PDE4D: variants seen among roughly 807,000 people sequenced by gnomAD.
The protein encoded by PDE4D is 3',5'-cyclic-AMP phosphodiesterase 4D.
In PDE4D, 24 loss-of-function variants were observed where a neutral mutation model predicts 87.4. That is an observed-to-expected ratio of 0.27 (90% CI 0.20 to 0.39). The LOEUF (loss-of-function observed/expected upper bound fraction) is 0.39, where lower values mean the gene tolerates loss of function less well. PDE4D is among the 10% of genes least tolerant of loss of function. The pLI is 1.00. For synonymous variants in PDE4D, 384 were observed against 383.2 expected (o/e 1.00, Z -0.02); for missense variants, 714 against 1,041.0 (o/e 0.69, Z 4.32).
At chr5:59,615,447 A>G (rs114408368) in intron 1 of PDE4D, among the ~76,000 whole-genome samples, 467 of 41,756 alleles carry the variant, frequency 0.011, no homozygotes, top group African/African-American at 0.031. Flanking sequence ...ATAGGCACAT[A>G]GATTAAATTC....
chr5:59,122,779 A>G (rs972106122), intron 5 of PDE4D, among the ~76,000 whole-genome samples: 2 of 152,326 alleles, frequency 1.3e-5, no homozygotes, highest in East Asian at 1.9e-4. Context: ...CACCACCTCT[A>G]TCTAGTTCCA....
At chr5:59,444,528 C>T (rs1180642660) in intron 1 of PDE4D, among the ~76,000 whole-genome samples, 4 of 152,100 alleles carry the variant, frequency 2.6e-5, no homozygotes, top group African/African-American at 9.7e-5. Flanking sequence ...ACCTTCAGTT[C>T]CCAGTCGGGC....
intron 1 of PDE4D, among the ~76,000 whole-genome samples, chr5:59,739,899 G>A (rs1245691628): frequency 1.3e-5 from 2 of 152,130 alleles, no homozygotes; most frequent in Non-Finnish European, 2.9e-5. Flanking sequence ...ATATAGGATG[G>A]TATGAAATAA....
chr5:59,701,081 G>C (rs1358724236), intron 1 of PDE4D, among the ~76,000 whole-genome samples: 5 of 152,098 alleles, frequency 3.3e-5, no homozygotes, highest in Non-Finnish European at 7.4e-5. Context: ...CTCATGTCTT[G>C]TCACTGAACT....
intron 1 of PDE4D, among the ~76,000 whole-genome samples, chr5:60,193,688 A>AAG (rs1554183263): frequency 2.0e-5 from 3 of 149,604 alleles, no homozygotes; most frequent in African/African-American, 4.9e-5. Context: ...AAAAAAAAAA[A>AAG]AAAAGAAAGA....
At chr5:59,780,309 T>C (rs1581073328) in intron 1 of PDE4D, among the ~76,000 whole-genome samples, 1 of 152,184 alleles carries the variant, frequency 6.6e-6, no homozygotes, top group Non-Finnish European at 1.5e-5. Context: ...GAAGTTGCAG[T>C]GAGCTGAGAT....
At chr5:59,496,938 C>T (rs958896976) in intron 1 of PDE4D, among the ~76,000 whole-genome samples, 1 of 152,142 alleles carries the variant, frequency 6.6e-6, no homozygotes, top group African/African-American at 2.4e-5. Flanking sequence ...TCTGCCCTTG[C>T]CCCTACCTTC....
intron 1 of PDE4D, among the ~76,000 whole-genome samples, chr5:59,323,653 C>G (rs181261449): frequency 5.9e-4 from 90 of 152,132 alleles, no homozygotes; most frequent in Middle Eastern, 3.4e-3. Context: ...ATTCACCTCT[C>G]TCCAGCCCCA....
intron 5 of PDE4D, among the ~76,000 whole-genome samples, chr5:59,043,776 A>T (rs987445522): frequency 1.3e-5 from 2 of 151,706 alleles, no homozygotes; most frequent in African/African-American, 4.8e-5. Flanking sequence ...GCATTGTTCA[A>T]TTCCCACCTA....
intron 1 of PDE4D, among the ~76,000 whole-genome samples, chr5:60,317,894 A>T (rs1755793363): frequency 6.6e-6 from 1 of 152,100 alleles, no homozygotes; most frequent in Admixed American, 6.5e-5. Context: ...TGCTAAGGAG[A>T]GCTTTACTTC....
intron 1 of PDE4D, among the ~76,000 whole-genome samples, chr5:60,252,672 A>G (rs1382349003): frequency 6.6e-6 from 1 of 151,866 alleles, no homozygotes; most frequent in Non-Finnish European, 1.5e-5. Flanking sequence ...TCAAGTTTTA[A>G]GACTTTTACT....
intron 1 of PDE4D, among the ~76,000 whole-genome samples, chr5:59,645,517 G>T (rs1203693216): frequency 6.6e-6 from 1 of 152,136 alleles, no homozygotes; most frequent in Non-Finnish European, 1.5e-5. Flanking sequence ...GTTTCAGTTT[G>T]GTGTGATTAT....
At chr5:59,950,729 A>C (rs1228098556) in intron 3 of PDE4D, among the ~76,000 whole-genome samples, 1 of 152,012 alleles carries the variant, frequency 6.6e-6, no homozygotes, top group African/African-American at 2.4e-5. Context: ...TTGTAGTTAA[A>C]GTTTATTTTG....
At chr5:60,304,230 T>A (rs564219105) in intron 1 of PDE4D, 33 of 147,696 alleles carry the variant, frequency 2.2e-4, no homozygotes, top group Admixed American at 1.1e-3. Context: ...AAATGCTCTT[T>A]CTCCCACCAT....
At chr5:59,467,266 A>C (rs1008561409) in intron 1 of PDE4D, among the ~76,000 whole-genome samples, 2 of 152,212 alleles carry the variant, frequency 1.3e-5, no homozygotes, top group African/African-American at 4.8e-5. Context: ...TCTATTAAAA[A>C]ATGATTTTAG....
chr5:60,094,923 G>A (rs1483142630), intron 2 of PDE4D, among the ~76,000 whole-genome samples: 1 of 151,930 alleles, frequency 6.6e-6, no homozygotes, highest in East Asian at 1.9e-4. Flanking sequence ...CTCTTTATTT[G>A]TCTTCACCCT....
chr5:60,145,769 T>C (rs1780934467), intron 2 of PDE4D, among the ~76,000 whole-genome samples: 1 of 152,214 alleles, frequency 6.6e-6, no homozygotes, highest in African/African-American at 2.4e-5. Context: ...GATATGTTGG[T>C]ATTTAGTTTC....
intron 1 of PDE4D, among the ~76,000 whole-genome samples, chr5:59,292,958 T>C (rs928441678): frequency 2.0e-5 from 3 of 152,196 alleles, no homozygotes; most frequent in Non-Finnish European, 4.4e-5. Context: ...TTACCTTCCC[T>C]TGCTAATGAG....
chr5:58,974,717 C>G lies in PDE4D; in HGVS notation c.2377G>C (p.Glu793Gln). The G allele has an allele frequency of 9.9e-6, 16 of 1,612,136 alleles. No homozygotes were observed. Among genetic ancestry groups the G allele is most frequent in the Non-Finnish European group, 1.4e-5 (16 of 1,178,802 alleles). The change falls in exon 15 of 15, where the codon GAG becomes CAG. Residue 793 changes from glutamate to glutamine, a missense_variant. Glu to Gln is a conservative substitution (Grantham distance 29). Coordinates refer to ENST00000340635, the MANE Select transcript of PDE4D (RefSeq NM_001104631.2). ...QVEEEAVGEE[E>Q]ESQPEACVID... ...ACACAGGCTTCAGGCTGGCTTTCCT[C>G]TTCTTCCCCTACTGCCTCCTCTTCA...
Sources: gnomAD v4.1 joint callset for allele counts (sites outside exome capture counted in the v4.1 genomes callset) on GRCh38, gnomAD v4.1.1 for gene constraint, MANE v1.5 for transcripts, NCBI Gene and HGNC (gene_info 2026-07-23, HGNC 2026-07-21) for gene names.